Variants in TEX9 observed in about 807,000 individuals in gnomAD.
TEX9 encodes testis-expressed protein 9.
Under a neutral mutation model 59.6 loss-of-function variants are expected in TEX9, and 74 were observed. That is an observed-to-expected ratio of 1.24 (90% CI 1.03 to 1.51). The LOEUF (loss-of-function observed/expected upper bound fraction) is 1.51. TEX9 is among the 40% of genes most tolerant of loss of function. TEX9 has a pLI of 0.00. For missense variants in TEX9, 522 were observed against 447.8 expected (o/e 1.17, Z -1.49); for synonymous variants, 186 against 152.2 (o/e 1.22, Z -1.64).
chr15:56,327,765 C>T (rs1457137156), intron 1 of TEX9, among the ~76,000 whole-genome samples: 2 of 152,172 alleles, frequency 1.3e-5, no homozygotes, highest in Non-Finnish European at 2.9e-5. Flanking sequence ...AGAACTCAGC[C>T]AGCAGCCTCA....
chr15:56,251,917 G>C (rs2044030451), intron 1 of TEX9, among the ~76,000 whole-genome samples: 1 of 151,992 alleles, frequency 6.6e-6, no homozygotes. Context: ...AGTTTGTTTA[G>C]GCTCCAGTGC....
intron 1 of TEX9, among the ~76,000 whole-genome samples, chr15:56,268,121 T>C (rs1374005022): frequency 6.6e-6 from 1 of 152,208 alleles, no homozygotes; most frequent in Non-Finnish European, 1.5e-5. Context: ...TTTGGCTCTC[T>C]GTTTGTCTGT....
At chr15:56,277,424 G>C (rs970474488) in intron 1 of TEX9, among the ~76,000 whole-genome samples, 1 of 152,064 alleles carries the variant, frequency 6.6e-6, no homozygotes, top group African/African-American at 2.4e-5. Context: ...CATTTATTAA[G>C]TAGGAAATCC....
At chr15:56,384,539 G>A (rs1183592466) in intron 4 of TEX9, among the ~76,000 whole-genome samples, 4 of 152,216 alleles carry the variant, frequency 2.6e-5, no homozygotes, top group South Asian at 2.1e-4. Flanking sequence ...ATCTTTCTTC[G>A]TCACTACTGC....
rs140323226 is a variant in TEX9, at chr15:56,337,495, C to T, written c.-106-35946C>T. Among the ~76,000 whole-genome samples the T allele has an allele frequency of 5.1e-3, 784 of 152,300 alleles. 2 individuals carry two copies. Among genetic ancestry groups the T allele is most frequent in the Admixed American group, 9.1e-3 (139 of 15,296 alleles). ...CCTGAGTCTGTGCAAGCAACCGTAA[C>T]TGGGGCAGCTGTAACCTTTGTTTCT... On this transcript the variant is annotated intron_variant, in intron 1 of 5. Coordinates refer to the TEX9 transcript ENST00000560827.
intron 1 of TEX9, among the ~76,000 whole-genome samples, chr15:56,321,790 G>A (rs537910022): frequency 3.2e-4 from 48 of 152,074 alleles, no homozygotes; most frequent in Non-Finnish European, 5.7e-4. Context: ...CTATCCTCAA[G>A]TACTGATTTG....
At chr15:56,276,292 A>G (rs1193499413) in intron 1 of TEX9, among the ~76,000 whole-genome samples, 2 of 151,904 alleles carry the variant, frequency 1.3e-5, no homozygotes, top group Admixed American at 6.6e-5. Flanking sequence ...TAAACCCTGC[A>G]TGTATTAGGT....
At position 56,438,762 on chromosome 15, in the gene TEX9, AT is replaced by A. The variant is rs1249301793; in HGVS notation, c.*30-6908del. ...TCTACCCATCTGACCAAGGGGTAAT[AT>A]CCAGAATCTAAAAAGAACTCAAATT... On this transcript the variant is annotated intron_variant, in intron 12 of 12. Coordinates refer to ENST00000352903, the Ensembl canonical transcript of TEX9. 3.2e-4 allele frequency among the ~76,000 whole-genome samples: 48 copies of A among 152,328 alleles called. No individual in the cohort carries two copies. The Middle Eastern group carries it at 0.01, about 32-fold the overall frequency.
At chr15:56,265,915 T>C (rs1483301090) in intron 1 of TEX9, among the ~76,000 whole-genome samples, 3 of 152,162 alleles carry the variant, frequency 2.0e-5, no homozygotes, top group African/African-American at 7.2e-5. Context: ...CTTTATTGAT[T>C]ACAGTGAGAA....
At chr15:56,316,666 G>C (rs2045774909) in intron 1 of TEX9, among the ~76,000 whole-genome samples, 1 of 152,180 alleles carries the variant, frequency 6.6e-6, no homozygotes, top group Non-Finnish European at 1.5e-5. Context: ...CTTGAGCTGT[G>C]GTGGGCTCCA....
At chr15:56,270,908 G>C (rs1176062327) in intron 1 of TEX9, among the ~76,000 whole-genome samples, 1 of 152,152 alleles carries the variant, frequency 6.6e-6, no homozygotes, top group Non-Finnish European at 1.5e-5. Context: ...TAATTTGGCT[G>C]GATATGAAAT....
At chr15:56,359,579 C>A (rs2046753496) in intron 1 of TEX9, among the ~76,000 whole-genome samples, 1 of 152,084 alleles carries the variant, frequency 6.6e-6, no homozygotes, top group South Asian at 2.1e-4. Flanking sequence ...ATTGTCCATT[C>A]TATGTATACA....
intron 2 of TEX9, among the ~76,000 whole-genome samples, chr15:56,369,278 C>T (rs2047081481): frequency 6.6e-6 from 1 of 151,832 alleles, no homozygotes; most frequent in African/African-American, 2.4e-5. Flanking sequence ...GCAGCTTCCA[C>T]CTCCTGGGCT....
At chr15:56,273,905 G>A (rs2044608516) in intron 1 of TEX9, among the ~76,000 whole-genome samples, 1 of 152,070 alleles carries the variant, frequency 6.6e-6, no homozygotes, top group Non-Finnish European at 1.5e-5. Flanking sequence ...AATGTATCCA[G>A]GTGGTTTTAT....
intron 1 of TEX9, among the ~76,000 whole-genome samples, chr15:56,256,508 T>C (rs1334126833): frequency 1.3e-5 from 2 of 151,760 alleles, no homozygotes; most frequent in East Asian, 1.9e-4. Flanking sequence ...AAAAAATACA[T>C]AAAGTAGAAG....
At chr15:56,441,588 A>C (rs2050814917) in intron 12 of TEX9, among the ~76,000 whole-genome samples, 1 of 152,236 alleles carries the variant, frequency 6.6e-6, no homozygotes, top group African/African-American at 2.4e-5. Flanking sequence ...GAGTTTCTTC[A>C]CAGGAAATGA....
At chr15:56,286,894 T>C (rs1372692214) in intron 1 of TEX9, among the ~76,000 whole-genome samples, 1 of 152,024 alleles carries the variant, frequency 6.6e-6, no homozygotes, top group Non-Finnish European at 1.5e-5. Flanking sequence ...ATTTTAACTA[T>C]TTCACTAATA....
chr15:56,274,062 T>C (rs947161625), intron 1 of TEX9, among the ~76,000 whole-genome samples: 5 of 152,156 alleles, frequency 3.3e-5, no homozygotes, highest in African/African-American at 1.2e-4. Context: ...CTTTTCTCTG[T>C]CATTTCCACC....
At chr15:56,425,863 A>G (rs1213641135) in intron 10 of TEX9, among the ~76,000 whole-genome samples, 1 of 152,156 alleles carries the variant, frequency 6.6e-6, no homozygotes, top group Admixed American at 6.5e-5. Flanking sequence ...CATGCAAGCA[A>G]AGACCTTCAC....
Sources: allele counts gnomAD v4.1 joint callset (sites outside exome capture counted in the v4.1 genomes callset), GRCh38; gene constraint gnomAD v4.1.1; transcripts MANE v1.5; gene names NCBI Gene and HGNC (gene_info 2026-07-23, HGNC 2026-07-21).